HHIP: variants seen among roughly 807,000 people sequenced by gnomAD.
HHIP encodes hedgehog-interacting protein.
A neutral mutation model predicts 74.0 loss-of-function variants in HHIP; 12 were observed. The ratio of observed to expected loss-of-function variants is 0.16; its 90% CI spans 0.10 to 0.26. The LOEUF is 0.26. Ranked by LOEUF, HHIP falls within the 10% of genes least tolerant of loss-of-function variation. HHIP has a pLI of 1.00. For synonymous variants in HHIP, 309 were observed against 311.6 expected, an observed-to-expected ratio of 0.99 and a Z score of 0.09; for missense variants, 788 against 845.0, an observed-to-expected ratio of 0.93 and a Z score of 0.84.
intron 4 of HHIP, among the ~76,000 whole-genome samples, chr4:144,674,221 A>G (rs1347790388): frequency 3.3e-5 from 5 of 152,250 alleles, no homozygotes; most frequent in African/African-American, 1.2e-4. Context: ...TACACTGTAT[A>G]GATTAGAGCT....
Position 144,668,525 on chromosome 4 carries a change from G to A in HHIP, c.831+8687G>A, listed in dbSNP as rs572840946. On this transcript the variant is annotated intron_variant, in intron 4 of 12. Transcript: ENST00000296575. ...TCCCAGCACTTTGGGAGGCCTAGGC[G>A]GGCAGATCACGAGGTCAAGAGATCG... Among the ~76,000 whole-genome samples the A allele has an allele frequency of 1.2e-4, 18 of 152,264 alleles. No individual in the cohort carries two copies. In the South Asian group the frequency reaches 3.7e-3, roughly 32 times the overall value.
chr4:144,710,610 T>C (rs1730269069), intron 7 of HHIP, among the ~76,000 whole-genome samples: 1 of 152,236 alleles, frequency 6.6e-6, no homozygotes, highest in Non-Finnish European at 1.5e-5. Context: ...GTAATTAATA[T>C]ATTTTGTTGG....
intron 4 of HHIP, among the ~76,000 whole-genome samples, chr4:144,690,728 CT>C (rs1729632580): frequency 6.6e-6 from 1 of 152,050 alleles, no homozygotes; most frequent in Non-Finnish European, 1.5e-5. Flanking sequence ...AAAAGTTTTG[CT>C]TTGTTGTTAT....
chr4:144,730,667 A>G (rs1730927934), intron 11 of HHIP, among the ~76,000 whole-genome samples: 2 of 152,154 alleles, frequency 1.3e-5, no homozygotes, highest in Admixed American at 6.6e-5. Context: ...TTTAGATTCT[A>G]TCTAGGTGTG....
At chr4:144,663,938 T>G (rs1409526792) in intron 4 of HHIP, among the ~76,000 whole-genome samples, 5 of 152,306 alleles carry the variant, frequency 3.3e-5, no homozygotes, top group Non-Finnish European at 1.5e-5. Context: ...GCTTTGCATG[T>G]GTGTTAAAGG....
At chr4:144,733,117 C>G (rs1422943341) in intron 11 of HHIP, among the ~76,000 whole-genome samples, 1 of 152,176 alleles carries the variant, frequency 6.6e-6, no homozygotes, top group Non-Finnish European at 1.5e-5. Flanking sequence ...TTGGCATAGT[C>G]ATTTAACATT....
At chr4:144,714,370 C>A (rs201856270) in intron 9 of HHIP, 22 bp downstream of exon 9, 112 of 1,611,328 alleles carry the variant, frequency 7.0e-5, no homozygotes, top group Non-Finnish European at 9.0e-5. Flanking sequence ...GATACCACAA[C>A]AGTATGATAT....
chr4:144,676,052 A>G (rs1238242610), intron 4 of HHIP, among the ~76,000 whole-genome samples: 1 of 152,232 alleles, frequency 6.6e-6, no homozygotes, highest in East Asian at 1.9e-4. Flanking sequence ...AACAAGATGT[A>G]TGTTTTAAAT....
chr4:144,655,546 A>T (rs1172871083), intron 2 of HHIP, among the ~76,000 whole-genome samples: 1 of 152,150 alleles, frequency 6.6e-6, no homozygotes, highest in Non-Finnish European at 1.5e-5. Context: ...GTATAATCCT[A>T]TTGCTAAGAA....
At chr4:144,706,150 G>A (rs1474884546) in intron 4 of HHIP, among the ~76,000 whole-genome samples, 2 of 152,198 alleles carry the variant, frequency 1.3e-5, no homozygotes, top group Non-Finnish European at 2.9e-5. Flanking sequence ...TGGATTAGAA[G>A]TGACTGTTGA....
chr4:144,722,591 G>A (rs573925394), intron 11 of HHIP, among the ~76,000 whole-genome samples: 3 of 152,160 alleles, frequency 2.0e-5, no homozygotes, highest in East Asian at 1.9e-4. Flanking sequence ...GGTGGCCCAC[G>A]CCTGTAATCC....
intron 11 of HHIP, among the ~76,000 whole-genome samples, chr4:144,730,195 A>G (rs1319161331): frequency 6.6e-6 from 1 of 152,152 alleles, no homozygotes; most frequent in African/African-American, 2.4e-5. Context: ...AAGTATCCAA[A>G]TCTTTATACT....
intron 1 of HHIP, among the ~76,000 whole-genome samples, chr4:144,652,365 TG>T (rs1728447603): frequency 6.6e-6 from 1 of 152,100 alleles, no homozygotes; most frequent in African/African-American, 2.4e-5. Context: ...ATGAAATCTT[TG>T]ATTTGCAGGA....
In HHIP at chr4:144,734,841, G is replaced by A; in HGVS notation, c.1861G>A (p.Gly621Arg). Reference protein sequence around the residue: ...LCRNGYCTPTGKCCCSPGWEG... With the variant: ...LCRNGYCTPTRKCCCSPGWEG... ...TCGAAACGGCTACTGCACCCCCACG[G>A]GAAAGTGCTGCTGCAGTCCAGGCTG... Residue 621 changes from glycine (G) to arginine (R), a missense_variant, in exon 12 of 13, where the codon GGA (glycine) becomes AGA (arginine). Around this residue, in one of 3 missense-constraint regions of HHIP, gnomAD observed 343 missense variants for 347.9 expected, o/e 0.99. Transcript: ENST00000296575. 6.2e-7 allele frequency: 1 copy of A among 1,613,010 alleles called. No individual in the cohort carries two copies. The highest frequency in any genetic ancestry group is 2.2e-5 in the East Asian group (1 of 44,862).
rs768394778 is a variant in HHIP at position 144,714,342 on chromosome 4, G to A, written c.1541G>A (p.Arg514His). ...RLYGSYVFGDRNGNFLTLQQS... is the reference protein window; with the variant it reads ...RLYGSYVFGDHNGNFLTLQQS... ...TATGGAAGCTACGTGTTTGGAGATC[G>A]TAATGGGTAGGTTTCCTGATACCAC... Residue 514 changes from arginine to histidine, a missense_variant, in exon 9 of 13, where the codon CGT becomes CAT. This residue lies in a region of HHIP where 343 missense variants were observed against 347.9 expected (regional missense o/e 0.99). Transcript: ENST00000296575. 1.8e-5 allele frequency: 29 copies of A among 1,613,120 alleles called. 1 individual carries two copies. In the South Asian group the frequency reaches 2.9e-4, roughly 16 times the overall value.
At chr4:144,653,108 C>T (rs559782767) in intron 2 of HHIP, among the ~76,000 whole-genome samples, 13 of 152,192 alleles carry the variant, frequency 8.5e-5, no homozygotes, top group East Asian at 1.9e-4. Context: ...CCAAACTCCT[C>T]GTTGGTGCCT....
chr4:144,715,397 G>A lies in HHIP; in HGVS notation c.1645G>A (p.Gly549Ser), dbSNP rs201603291. ...TSGSCRGYFS[G>S]HILGFGEDEL... ...TGGGTCCTGTAGAGGCTACTTTTCC[G>A]GTCACATCTTGGGATTTGGAGAAGA... The change falls in exon 10 of 13, where the codon GGT becomes AGT. Residue 549 changes from glycine to serine, a missense_variant. By Grantham distance (56) the Gly-to-Ser change is moderately conservative (BLOSUM62 0). Transcript: ENST00000296575. 38 of 1,613,180 alleles carry A rather than the reference G, an allele frequency of 2.4e-5. No individual in the cohort carries two copies. Among genetic ancestry groups the A allele is most frequent in the African/African-American group, 8.0e-5 (6 of 74,834 alleles).
intron 4 of HHIP, among the ~76,000 whole-genome samples, chr4:144,675,505 A>C (rs576774626): frequency 4.7e-4 from 72 of 152,200 alleles, no homozygotes; most frequent in Non-Finnish European, 8.2e-4. Flanking sequence ...AACCATTGGG[A>C]AATAATTTTT....
intron 10 of HHIP, among the ~76,000 whole-genome samples, chr4:144,717,326 A>T (rs2126668654): frequency 6.6e-6 from 1 of 152,298 alleles, no homozygotes; most frequent in Non-Finnish European, 1.5e-5. Context: ...AGTAAACTAT[A>T]AAATACTTGA....
Sources: gnomAD v4.1 joint callset for allele counts (sites outside exome capture counted in the v4.1 genomes callset) on GRCh38, gnomAD v4.1.1 for gene constraint, gnomAD v4.1.1 regional missense constraint, MANE v1.5 for transcripts, NCBI Gene and HGNC (gene_info 2026-07-23, HGNC 2026-07-21) for gene names.